The following MAPK8 variants were observed in gnomAD, a reference collection of about 807,000 sequenced individuals.
The protein encoded by MAPK8 is JUN N-terminal kinase.
MAPK8 carries 13 observed loss-of-function variants against 52.9 expected under a neutral mutation model. The observed-to-expected ratio is 0.25, with a 90% confidence interval of 0.16 to 0.39. The LOEUF (loss-of-function observed/expected upper bound fraction) is 0.39, where lower values mean the gene tolerates loss of function less well. Among genes scored for constraint, MAPK8 ranks in the 10% least tolerant of loss-of-function variants. The pLI, the probability that MAPK8 is intolerant of heterozygous loss-of-function variation, is 1.00. For synonymous variants in MAPK8, 191 were observed against 169.8 expected (o/e 1.12, Z -0.97); for missense variants, 300 against 519.2 (o/e 0.58, Z 4.10).
intron 1 of MAPK8, chr10:48,307,094 T>G (rs1400285620): frequency 1.3e-5 from 2 of 152,412 alleles, no homozygotes; most frequent in African/African-American, 4.8e-5. Context: ...TCCTCTCGCG[T>G]CCTCTTCGCG....
At position 48,396,891 on chromosome 10, in the gene MAPK8, C is replaced by G. The variant is rs200164093; in HGVS notation, c.-49-4721C>G. ...ACATCCTTTGTCAGATGTTTTACAA[C>G]TATTTTTTTCCCAGTCTGTGGCTTG... On this transcript the variant is annotated intron_variant, in intron 1 of 11. Transcript: ENST00000374189. 2.6e-5 allele frequency among the ~76,000 whole-genome samples: 4 copies of G among 152,258 alleles called. No homozygotes were observed. In the East Asian group the frequency reaches 7.7e-4, roughly 29 times the overall value.
At chr10:48,375,647 A>G (rs2040613690) in intron 1 of MAPK8, among the ~76,000 whole-genome samples, 1 of 152,144 alleles carries the variant, frequency 6.6e-6, no homozygotes, top group South Asian at 2.1e-4. Flanking sequence ...CTACAAAGAG[A>G]GTAAAATAAA....
chr10:48,401,564 T>C (rs2042160577), intron 1 of MAPK8, 48 bp from the exon 2 acceptor site: 4 of 1,362,848 alleles, frequency 2.9e-6, no homozygotes, highest in Non-Finnish European at 4.1e-6. Flanking sequence ...AATTTTAAGA[T>C]TAAAACAAGT....
intron 1 of MAPK8, among the ~76,000 whole-genome samples, chr10:48,354,477 G>A (rs1380560046): frequency 2.0e-5 from 3 of 152,236 alleles, no homozygotes; most frequent in African/African-American, 7.2e-5. Context: ...TGCAGGGAAA[G>A]TTGATTTTCT....
At chr10:48,348,241 T>G (rs546652295) in intron 1 of MAPK8, among the ~76,000 whole-genome samples, 141 of 152,362 alleles carry the variant, frequency 9.3e-4, no homozygotes, top group African/African-American at 3.4e-3. Flanking sequence ...ATGGGGTTGT[T>G]TTTTCTTGTA....
intron 1 of MAPK8, among the ~76,000 whole-genome samples, chr10:48,367,494 A>C (rs1223703964): frequency 1.3e-4 from 19 of 151,960 alleles, no homozygotes; most frequent in Admixed American, 1.2e-3. Flanking sequence ...TTGGTAATGA[A>C]AGCATTCTAA....
At chr10:48,365,530 C>T (rs1023724146) in intron 1 of MAPK8, among the ~76,000 whole-genome samples, 3 of 152,006 alleles carry the variant, frequency 2.0e-5, no homozygotes, top group African/African-American at 7.2e-5. Flanking sequence ...TCAGATATTG[C>T]CGTCAGTACT....
chr10:48,350,742 A>G (rs1401966626), intron 1 of MAPK8, among the ~76,000 whole-genome samples: 2 of 152,208 alleles, frequency 1.3e-5, no homozygotes, highest in African/African-American at 2.4e-5. Flanking sequence ...CTCCTATTCA[A>G]TATAGTATTG....
chr10:48,368,491 T>G (rs1292720167), intron 1 of MAPK8, among the ~76,000 whole-genome samples: 1 of 152,202 alleles, frequency 6.6e-6, no homozygotes, highest in Non-Finnish European at 1.5e-5. Flanking sequence ...GGCTGGATCC[T>G]GGGATTGGAG....
intron 1 of MAPK8, among the ~76,000 whole-genome samples, chr10:48,320,885 G>A (rs1842931711): frequency 6.6e-6 from 1 of 152,096 alleles, no homozygotes; most frequent in African/African-American, 2.4e-5. Context: ...ATTCAAGCTT[G>A]TTATTGTCTG....
chr10:48,386,654 T>C (rs1157091349), intron 1 of MAPK8, among the ~76,000 whole-genome samples: 2 of 152,196 alleles, frequency 1.3e-5, no homozygotes, highest in African/African-American at 4.8e-5. Context: ...TACTTATATT[T>C]GTTATTGTTT....
Position 48,365,228 on chromosome 10 carries a change from T to G in MAPK8, c.-49-36384T>G, listed in dbSNP as rs144047323. On this transcript the variant is annotated intron_variant, in intron 1 of 11. Coordinates refer to ENST00000374189, the MANE Select transcript of MAPK8 (RefSeq NM_001323329.2). ...GCCAGTGTTCTTAAGGAAGCAGGAG[T>G]GAAGTAAAGCAAACAATACAAAAGG... 3.0e-3 allele frequency among the ~76,000 whole-genome samples: 462 copies of G among 152,122 alleles called. 1 individual carries two copies. The highest frequency in any genetic ancestry group is 0.01 in the African/African-American group (426 of 41,518).
At chr10:48,397,970 C>A (rs2041973239) in intron 1 of MAPK8, among the ~76,000 whole-genome samples, 1 of 152,096 alleles carries the variant, frequency 6.6e-6, no homozygotes, top group Non-Finnish European at 1.5e-5. Context: ...ACTATACACA[C>A]ACAGGGCATG....
chr10:48,391,601 A>G (rs1228826963), intron 1 of MAPK8, among the ~76,000 whole-genome samples: 2 of 152,282 alleles, frequency 1.3e-5, no homozygotes, highest in African/African-American at 2.4e-5. Flanking sequence ...CAAATGTTGC[A>G]TAGGGGGAGT....
rs114639978 is a variant in MAPK8 at position 48,312,766 on chromosome 10, G to C, written c.-50+5945G>C. On this transcript the variant is annotated intron_variant, in intron 1 of 11. Coordinates refer to ENST00000374189, the MANE Select transcript of MAPK8 (RefSeq NM_001323329.2). ...AAAACCAAAGCATCTAGCTTTGGCT[G>C]TTACTATTGAGAATTTAAAAGTCTT... Among the ~76,000 whole-genome samples the C allele has an allele frequency of 8.2e-3, 1,243 of 152,248 alleles. 18 individuals carry two copies. Among genetic ancestry groups the C allele is most frequent in the African/African-American group, 0.028 (1,173 of 41,546 alleles).
chr10:48,382,865 A>G (rs1247563481), intron 1 of MAPK8, among the ~76,000 whole-genome samples: 3 of 146,856 alleles, frequency 2.0e-5, no homozygotes, highest in Admixed American at 6.9e-5. Context: ...ATATACATAT[A>G]TACACATTCA....
chr10:48,371,821 C>A (rs933287170), intron 1 of MAPK8, among the ~76,000 whole-genome samples: 9 of 152,142 alleles, frequency 5.9e-5, no homozygotes, highest in African/African-American at 2.2e-4. Flanking sequence ...TTCCCATGAT[C>A]CGCTCCTTGG....
At chr10:48,407,283 A>G (rs1436724064) in intron 3 of MAPK8, among the ~76,000 whole-genome samples, 2 of 152,218 alleles carry the variant, frequency 1.3e-5, no homozygotes, top group Non-Finnish European at 2.9e-5. Flanking sequence ...GCTGTTTCCA[A>G]TTCATCATCT....
intron 10 of MAPK8, among the ~76,000 whole-genome samples, chr10:48,429,196 G>A (rs1310101016): frequency 2.0e-5 from 3 of 152,108 alleles, no homozygotes; most frequent in African/African-American, 7.2e-5. Context: ...TAATAGGCCA[G>A]CAGTTGTAAG....
Sources: gnomAD v4.1 joint callset for allele counts (sites outside exome capture counted in the v4.1 genomes callset) on GRCh38, gnomAD v4.1.1 for gene constraint, MANE v1.5 for transcripts, NCBI Gene and HGNC (gene_info 2026-07-23, HGNC 2026-07-21) for gene names.